The following CALCOCO1 variants were observed in gnomAD, a reference collection of about 807,000 sequenced individuals.
The protein encoded by CALCOCO1 is calcium-binding and coiled-coil domain-containing protein 1.
CALCOCO1 carries 44 observed loss-of-function variants against 86.3 expected under a neutral mutation model. That is an observed-to-expected ratio of 0.51 (90% CI 0.40 to 0.66). CALCOCO1 has a LOEUF of 0.66. CALCOCO1 is among the 30% of genes least tolerant of loss of function. The probability of loss-of-function intolerance (pLI) is 0.00; values close to 1 mark genes in which losing one functional copy is unlikely to be tolerated. For missense variants in CALCOCO1, 708 were observed against 851.1 expected (o/e 0.83, Z 2.09); for synonymous variants, 297 against 327.6 (o/e 0.91, Z 1.01).
chr12:53,710,422 C>T lies in CALCOCO1; in HGVS notation c.*1522G>A, dbSNP rs1347763570. The T allele has an allele frequency of 6.6e-6, 1 of 152,636 alleles. No individual in the cohort carries two copies. The allele number at this position is 152,636 out of a possible 1,614,324, so 9.5% of individuals were successfully genotyped here. ...GAGAGGAGGGCAGCTGAGAAGGGAG[C>T]TATTGGGTTGGAGGACGAGGGGGTT... is the stretch of plus-strand genomic sequence containing the variant. On this transcript the variant is annotated 3_prime_UTR_variant, in exon 15 of 15. Transcript: ENST00000550804.
In CALCOCO1 at chr12:53,711,165, CA is replaced by C. The variant is rs1370556408; in HGVS notation, c.*778del. 4 of 398,302 alleles carry C rather than the reference CA, an allele frequency of 1.0e-5. No homozygotes were observed. Among genetic ancestry groups the C allele is most frequent in the African/African-American group, 6.2e-5 (3 of 48,398 alleles). 24.7% of individuals were successfully genotyped at this position (398,302 alleles called of 1,614,324 possible). ...GTTCAAACTACAAAGGGATGGATAT[CA>C]GGGGGAAGCTTTTATTGCTGTGGGG... On this transcript the variant is annotated 3_prime_UTR_variant, in exon 15 of 15. Coordinates refer to ENST00000550804, the MANE Select transcript of CALCOCO1 (RefSeq NM_020898.3).
At chr12:53,716,789 G>A (rs1169211132) in intron 7 of CALCOCO1, among the ~76,000 whole-genome samples, 1 of 152,040 alleles carries the variant, frequency 6.6e-6, no homozygotes, top group Non-Finnish European at 1.5e-5. Context: ...TCCGTCCAGG[G>A]TACCAACTAG....
intron 2 of CALCOCO1, 84 bp from the exon 3 acceptor site, chr12:53,724,831 G>T (rs1945980689): frequency 1.8e-6 from 2 of 1,136,114 alleles, no homozygotes; most frequent in African/African-American, 1.5e-5. Flanking sequence ...GTTGAATAAG[G>T]GGGGCAGGAT....
chr12:53,713,254 T>C, intron 13 of CALCOCO1, 48 bp from the exon 14 acceptor site: 1 of 1,480,594 alleles, frequency 6.8e-7, no homozygotes. Context: ...TGTCCCAAGA[T>C]GGGGGAGCAG....
intron 4 of CALCOCO1, among the ~76,000 whole-genome samples, chr12:53,723,145 G>C (rs1945925735): frequency 2.0e-5 from 3 of 152,124 alleles, no homozygotes; most frequent in Non-Finnish European, 4.4e-5. Context: ...AATTGCATTT[G>C]AAGTGCTCAA....
intron 6 of CALCOCO1, among the ~76,000 whole-genome samples, chr12:53,720,272 T>C (rs1450711009): frequency 6.6e-6 from 1 of 152,202 alleles, no homozygotes. Flanking sequence ...AACTCTGCCA[T>C]TGTAGTGCAG....
At chr12:53,713,296 A>G in intron 13 of CALCOCO1, 90 bp from the exon 14 acceptor site, 1 of 1,048,502 alleles carries the variant, frequency 9.5e-7, no homozygotes, top group Non-Finnish European at 1.5e-6. Flanking sequence ...AGAGCAGCCA[A>G]GGCTAGGACA....
chr12:53,716,148 T>C (rs1242907896), intron 8 of CALCOCO1, 101 bp from the exon 9 acceptor site: 1 of 1,575,508 alleles, frequency 6.3e-7, no homozygotes, highest in Admixed American at 1.7e-5. Context: ...GGACTCGGGG[T>C]TGTGTTGTTT....
intron 14 of CALCOCO1, chr12:53,712,323 T>C (rs1476363854): frequency 3.6e-6 from 2 of 558,684 alleles, no homozygotes; most frequent in Non-Finnish European, 6.3e-6. Flanking sequence ...CTCTCTTCTT[T>C]AGTCCCTGCT....
At position 53,711,053 on chromosome 12, in the gene CALCOCO1, T is replaced by C. The variant is rs1000899963; in HGVS notation, c.*891A>G. The C allele has an allele frequency of 9.8e-5, 37 of 376,970 alleles. No homozygotes were observed. The highest frequency in any genetic ancestry group is 1.5e-4 in the Non-Finnish European group (32 of 212,534). 23.4% of individuals were successfully genotyped at this position (376,970 alleles called of 1,614,324 possible). Reference sequence around the variant, plus strand: ...CCTCCCTCCACCAGGGTCTAAGAGCTGGAGGTCTGGGCCCTGTGTTCCAGT... The same window carrying C: ...CCTCCCTCCACCAGGGTCTAAGAGCCGGAGGTCTGGGCCCTGTGTTCCAGT... On this transcript the variant is annotated 3_prime_UTR_variant, in exon 15 of 15. Transcript: ENST00000550804.
chr12:53,725,128 C>T lies in CALCOCO1; in HGVS notation c.115G>A (p.Gly39Ser). 1 of 1,612,056 alleles carries T rather than the reference C, an allele frequency of 6.2e-7. No individual in the cohort carries two copies. ...CAGTCACTGGCACTGGGCATGGTGC[C>T]TGGGGGAAGGGTGTAGTGACATTCC... ...KVECHYTLPPGTMPSASDWIG... is the reference protein window; with the variant it reads ...KVECHYTLPPSTMPSASDWIG... Residue 39 changes from glycine to serine, a missense_variant, in exon 2 of 15, where the codon GGC (glycine) becomes AGC (serine). Coordinates refer to ENST00000550804, the MANE Select transcript of CALCOCO1 (RefSeq NM_020898.3).
chr12:53,725,345 C>CG, intron 1 of CALCOCO1, 79 bp from the exon 2 acceptor site: 5 of 903,804 alleles, frequency 5.5e-6, no homozygotes, highest in South Asian at 3.8e-5. Flanking sequence ...CACACACTCA[C>CG]AGCCCCTGCC....
chr12:53,724,041 TTTATC>T (rs1945951576), intron 3 of CALCOCO1: 2 of 481,906 alleles, frequency 4.2e-6, no homozygotes, highest in African/African-American at 3.9e-5. Context: ...TTTATTTTAT[TTTATC>T]TTGAGACAGA....
chr12:53,714,403 G>C (rs1300009660), intron 11 of CALCOCO1, among the ~76,000 whole-genome samples, 162 bp from the exon 12 acceptor site: 1 of 152,178 alleles, frequency 6.6e-6, no homozygotes, highest in African/African-American at 2.4e-5. Flanking sequence ...CAGCACCCCT[G>C]CTTCACCACT....
At chr12:53,718,776 C>A (rs1424090940) in intron 7 of CALCOCO1, among the ~76,000 whole-genome samples, 1 of 151,598 alleles carries the variant, frequency 6.6e-6, no homozygotes, top group Non-Finnish European at 1.5e-5. Flanking sequence ...ACAATCCTCT[C>A]GCCTTGGCCT....
chr12:53,716,413 A>G lies in CALCOCO1; in HGVS notation c.852T>C (p.Ala284=), dbSNP rs2277369. The change falls in exon 8 of 15, where the codon GCT becomes GCC. Residue 284 remains alanine (A), a splice_region_variant and synonymous_variant. Coordinates refer to ENST00000550804, the MANE Select transcript of CALCOCO1 (RefSeq NM_020898.3). ...TCTCCTGTTGTGCCACTTGGAGCTC[A>G]GCCTGAGGGAAGTGGAAAGCAGGTA... ...EVQADKEQSE[A]ELQVAQQENH... 65,065 of 1,614,080 alleles carry G rather than the reference A, an allele frequency of 0.04. 4,075 individuals carry two copies. Among genetic ancestry groups the G allele is most frequent in the East Asian group, 0.3 (13,389 of 44,862 alleles).
rs770309753 is a variant in CALCOCO1 at position 53,725,095 on chromosome 12, T to C, written c.148A>G (p.Ile50Val). ...AGGGGTTCCAGAGATACCTTGAAGA[T>C]GCCAATCCAGTCACTGGCACTGGGC... ...TMPSASDWIG[I>V]FKVEAACVRD... The change falls in exon 2 of 15, where the codon ATC becomes GTC. Residue 50 changes from isoleucine (I) to valine (V), a missense_variant. By Grantham distance (29) the Ile-to-Val change is conservative (BLOSUM62 3). Transcript: ENST00000550804. 1.2e-6 allele frequency: 2 copies of C among 1,600,840 alleles called. No individual in the cohort carries two copies. The highest frequency in any genetic ancestry group is 1.7e-6 in the Non-Finnish European group (2 of 1,174,122).
rs1945523423 is a variant in CALCOCO1 at position 53,710,383 on chromosome 12, A to C, written c.*1561T>G. ...AGGGAATGGTGGGGGTGGTCCACAC[A>C]GGGGCCCTGAAGGGAGAGGAGGGCA... On this transcript the variant is annotated 3_prime_UTR_variant, in exon 15 of 15. Transcript: ENST00000550804. 6.6e-6 allele frequency: 1 copy of C among 152,538 alleles called. No homozygotes were observed. The highest frequency in any genetic ancestry group is 2.1e-4 in the South Asian group (1 of 4,826). The allele number at this position is 152,538 out of a possible 1,614,324, so 9.4% of individuals were successfully genotyped here.
chr12:53,723,143 T>G (rs890720912), intron 4 of CALCOCO1, among the ~76,000 whole-genome samples: 3 of 152,166 alleles, frequency 2.0e-5, no homozygotes, highest in African/African-American at 7.2e-5. Flanking sequence ...TTAATTGCAT[T>G]TGAAGTGCTC....
Sources: allele counts gnomAD v4.1 joint callset (sites outside exome capture counted in the v4.1 genomes callset), GRCh38; gene constraint gnomAD v4.1.1; transcripts MANE v1.5; gene names NCBI Gene and HGNC (gene_info 2026-07-23, HGNC 2026-07-21).